VAV2: variants seen among roughly 807,000 people sequenced by gnomAD.
The protein encoded by VAV2 is vav guanine nucleotide exchange factor 2.
Under a neutral mutation model 132.5 loss-of-function variants are expected in VAV2, and 67 were observed. That is an observed-to-expected ratio of 0.51 (90% CI 0.42 to 0.62). VAV2 has a LOEUF of 0.62. VAV2 is among the 20% of genes least tolerant of loss of function. VAV2 has a pLI of 0.00. For synonymous variants in VAV2, 492 were observed against 443.5 expected (o/e 1.11, Z -1.37); for missense variants, 938 against 1,153.6 (o/e 0.81, Z 2.71).
In VAV2 at chr9:133,857,458, G is replaced by A. The variant is rs1013188784; in HGVS notation, c.380+3916C>T. On this transcript the variant is annotated intron_variant, in intron 3 of 29. Transcript: ENST00000371850. The surrounding 1 kb of genome is among the most constrained non-coding windows in gnomAD (Gnocchi z 4.0). ...TCATTATGCAAAGTGCAAGGGTTGT[G>A]AAAATGATTTTTTGAAGGAGCACGT... 1.3e-5 allele frequency among the ~76,000 whole-genome samples: 2 copies of A among 152,198 alleles called. No homozygotes were observed. Among genetic ancestry groups the A allele is most frequent in the Non-Finnish European group, 2.9e-5 (2 of 68,052 alleles).
chr9:133,811,445 A>G (rs1835355072), intron 5 of VAV2, among the ~76,000 whole-genome samples: 1 of 152,226 alleles, frequency 6.6e-6, no homozygotes, highest in Non-Finnish European at 1.5e-5. Flanking sequence ...ACGGTTGGCA[A>G]GTGGCATCTC....
At position 133,935,498 on chromosome 9, in the gene VAV2, C is replaced by A. The variant is rs904649950; in HGVS notation, c.321+3605G>T. On this transcript the variant is annotated intron_variant, in intron 2 of 29. Transcript: ENST00000371850. This position sits in a 1 kb window ranked among gnomAD's most constrained non-coding sequence, Gnocchi z 5.2. ...TCCCCTCTGTCCACGGCAGGGACTG[C>A]AACAAATACGCCCCGGCCCAGCAAG... 1.3e-5 allele frequency among the ~76,000 whole-genome samples: 2 copies of A among 152,206 alleles called. No homozygotes were observed. Among genetic ancestry groups the A allele is most frequent in the Non-Finnish European group, 2.9e-5 (2 of 68,042 alleles).
In VAV2 at chr9:133,834,246, TC is replaced by T; in HGVS notation, c.449+25del. The T allele has an allele frequency of 6.7e-7, 1 of 1,493,006 alleles. No homozygotes were observed. Among genetic ancestry groups the T allele is most frequent in the Non-Finnish European group, 9.2e-7 (1 of 1,086,514 alleles). The allele number at this position is 1,493,006 out of a possible 1,614,324, so 92.5% of individuals were successfully genotyped here. A position where few individuals can be genotyped will look rare whatever the true frequency, so the allele number is the denominator to read the frequency against. On this transcript the variant is annotated intron_variant, in intron 4 of 29. Coordinates refer to ENST00000371850, the MANE Select transcript of VAV2 (RefSeq NM_001134398.2). The surrounding 1 kb of genome is among the most constrained non-coding windows in gnomAD (Gnocchi z 5.9). ...CCTCCCTGCCCCTCCCTCCTCTCCATCCCTCCTCCCATCCCCCCGCCTTACT... is the reference window on the plus strand; with the variant it reads ...CCTCCCTGCCCCTCCCTCCTCTCCATCCTCCTCCCATCCCCCCGCCTTACT...
chr9:133,900,892 G>A (rs910558810), intron 2 of VAV2, among the ~76,000 whole-genome samples: 35 of 151,600 alleles, frequency 2.3e-4, no homozygotes, highest in African/African-American at 7.3e-4. Flanking sequence ...TCCGCCTCCC[G>A]GGTTCGTGCA....
chr9:133,872,224 A>T lies in VAV2; in HGVS notation c.322-10792T>A, dbSNP rs1329201220. On this transcript the variant is annotated intron_variant, in intron 2 of 29. Coordinates refer to ENST00000371850, the MANE Select transcript of VAV2 (RefSeq NM_001134398.2). Reference sequence around the variant, plus strand: ...AGTGACCTGGCCGACCCCAAGAGGGAAGAGAAGAAAGGGGCAGGGGCAGGG... The same window carrying T: ...AGTGACCTGGCCGACCCCAAGAGGGTAGAGAAGAAAGGGGCAGGGGCAGGG... Among the ~76,000 whole-genome samples the T allele has an allele frequency of 8.1e-5, 12 of 148,806 alleles. No individual in the cohort carries two copies. In the East Asian group the frequency reaches 2.2e-3, roughly 27 times the overall value.
Position 133,826,750 on chromosome 9 carries a change from C to T in VAV2, c.449+7522G>A, listed in dbSNP as rs575710614. Among the ~76,000 whole-genome samples the T allele has an allele frequency of 3.9e-5, 6 of 152,296 alleles. No individual in the cohort carries two copies. Among genetic ancestry groups the T allele is most frequent in the South Asian group, 2.1e-4 (1 of 4,820 alleles). On this transcript the variant is annotated intron_variant, in intron 4 of 29. Coordinates refer to ENST00000371850, the MANE Select transcript of VAV2 (RefSeq NM_001134398.2). This position sits in a 1 kb window ranked among gnomAD's most constrained non-coding sequence, Gnocchi z 4.2. The stretch of plus-strand genomic sequence containing the variant: ...TGAGTGGGAGCTTTCAAATTTCTCC[C>T]GTGTCCCTTCAATTCCCCTAAGAAT...
chr9:133,875,338 C>T (rs374830610), intron 2 of VAV2, among the ~76,000 whole-genome samples: 59 of 152,308 alleles, frequency 3.9e-4, no homozygotes, highest in African/African-American at 1.2e-3. Flanking sequence ...CACAGCCCAG[C>T]GCCACAGCCC....
At position 133,824,906 on chromosome 9, in the gene VAV2, G is replaced by C. The variant is rs1298742875; in HGVS notation, c.449+9366C>G. Among the ~76,000 whole-genome samples, 1 of 151,880 alleles carries C rather than the reference G, an allele frequency of 6.6e-6. No homozygotes were observed. Among genetic ancestry groups the C allele is most frequent in the Non-Finnish European group, 1.5e-5 (1 of 67,786 alleles). ...GGGCCCGGCCTGCAGCGCTCAGGGA[G>C]ATGCAACTGGAAGCGTCTTGACAGA... is the stretch of plus-strand genomic sequence containing the variant. On this transcript the variant is annotated intron_variant, in intron 4 of 29. Transcript: ENST00000371850. The surrounding 1 kb of genome is among the most constrained non-coding windows in gnomAD (Gnocchi z 5.2).
At chr9:133,917,550 C>T (rs912927718) in intron 2 of VAV2, among the ~76,000 whole-genome samples, 1 of 150,174 alleles carries the variant, frequency 6.7e-6, no homozygotes, top group Admixed American at 6.7e-5. Flanking sequence ...AATGTCAACA[C>T]AGCACAGAGG....
rs373147956 is a variant in VAV2, at chr9:133,819,404, G to A, written c.450-7188C>T. Among the ~76,000 whole-genome samples the A allele has an allele frequency of 3.2e-3, 490 of 151,434 alleles. 1 individual carries two copies. Among genetic ancestry groups the A allele is most frequent in the Admixed American group, 7.3e-3 (111 of 15,194 alleles). Reference sequence around the variant, plus strand: ...GTGGAGTTTGCAGAGAGCCGAGATCGCGTCACTGCACTCCAGCCTGGGCGA... The same window carrying A: ...GTGGAGTTTGCAGAGAGCCGAGATCACGTCACTGCACTCCAGCCTGGGCGA... On this transcript the variant is annotated intron_variant, in intron 4 of 29. Transcript: ENST00000371850.
intron 4 of VAV2, among the ~76,000 whole-genome samples, chr9:133,825,690 G>A (rs1048541812): frequency 6.6e-6 from 1 of 152,162 alleles, no homozygotes; most frequent in African/African-American, 2.4e-5. Context: ...ACGGCGGGGA[G>A]GGTGGGCCAT....
intron 1 of VAV2, among the ~76,000 whole-genome samples, chr9:133,975,406 G>A (rs534556496): frequency 2.6e-5 from 4 of 152,266 alleles, no homozygotes; most frequent in African/African-American, 7.2e-5. Context: ...TTTCTGGGGG[G>A]CCCAGCCTCA....
At chr9:133,908,310 C>T (rs1481682970) in intron 2 of VAV2, among the ~76,000 whole-genome samples, 3 of 152,068 alleles carry the variant, frequency 2.0e-5, no homozygotes, top group Non-Finnish European at 4.4e-5. Flanking sequence ...GGGAAAATGC[C>T]ACCCTAGAAA....
chr9:133,983,426 G>C (rs1588222821), intron 1 of VAV2, among the ~76,000 whole-genome samples: 2 of 152,104 alleles, frequency 1.3e-5, no homozygotes, highest in Admixed American at 1.3e-4. Context: ...AGGGGGTGGG[G>C]CGGATGCTCA....
At chr9:133,793,178 G>C (rs1299054953) in intron 12 of VAV2, among the ~76,000 whole-genome samples, 1 of 152,168 alleles carries the variant, frequency 6.6e-6, no homozygotes, top group East Asian at 1.9e-4. Context: ...CCACCAGAGA[G>C]CAGTGCCCAC....
rs114046330 is a variant in VAV2, at chr9:133,882,265, C to T, written c.322-20833G>A. Among the ~76,000 whole-genome samples the T allele has an allele frequency of 8.9e-3, 1,354 of 152,314 alleles. 19 individuals carry two copies. Among genetic ancestry groups the T allele is most frequent in the African/African-American group, 0.029 (1,213 of 41,578 alleles). On this transcript the variant is annotated intron_variant, in intron 2 of 29. Transcript: ENST00000371850. Reference sequence around the variant, plus strand: ...ACCCTGCAGTGAAGCAGGTGAAGCACGCAGGCCGCCAAGGGCACAGACCCT... The same window carrying T: ...ACCCTGCAGTGAAGCAGGTGAAGCATGCAGGCCGCCAAGGGCACAGACCCT...
intron 2 of VAV2, among the ~76,000 whole-genome samples, chr9:133,915,858 A>T (rs1840065142): frequency 6.9e-6 from 1 of 144,018 alleles, no homozygotes; most frequent in African/African-American, 2.6e-5. Flanking sequence ...CACACACACG[A>T]TGTACATGTA....
At chr9:133,986,932 G>A (rs916254806) in intron 1 of VAV2, among the ~76,000 whole-genome samples, 2 of 152,158 alleles carry the variant, frequency 1.3e-5, no homozygotes, top group South Asian at 4.1e-4. Flanking sequence ...GGACAGCCCC[G>A]GCCTGTTCTC....
chr9:133,814,458 C>T (rs768021775), intron 4 of VAV2, among the ~76,000 whole-genome samples: 15 of 152,338 alleles, frequency 9.8e-5, no homozygotes, highest in Non-Finnish European at 1.5e-4. Context: ...GGAGGCGAGG[C>T]GAGACAGGGA....
Sources: allele counts gnomAD v4.1 joint callset (sites outside exome capture counted in the v4.1 genomes callset), GRCh38; gene constraint gnomAD v4.1.1; non-coding constraint Gnocchi (gnomAD v3.1); transcripts MANE v1.5; gene names NCBI Gene and HGNC (gene_info 2026-07-23, HGNC 2026-07-21).